The following THBS2 variants were observed in gnomAD, a reference collection of about 807,000 sequenced individuals.
The protein encoded by THBS2 is thrombospondin-2.
THBS2 carries 47 observed loss-of-function variants against 135.2 expected under a neutral mutation model. The ratio of observed to expected loss-of-function variants is 0.35; its 90% confidence interval spans 0.28 to 0.44. The LOEUF is 0.44. Ranked by LOEUF, THBS2 falls within the 20% of genes least tolerant of loss-of-function variation. The probability of loss-of-function intolerance (pLI) is 1.00; values close to 1 mark genes in which losing one functional copy is unlikely to be tolerated. For missense variants in THBS2, 1,288 were observed against 1,603.1 expected, an observed-to-expected ratio of 0.80 and a Z score of 3.36; for synonymous variants, 639 against 633.8, an observed-to-expected ratio of 1.01 and a Z score of -0.12.
At chr6:169,246,387 G>T in intron 3 of THBS2, 106 bp from the exon 4 acceptor site, 2 of 920,600 alleles carry the variant, frequency 2.2e-6, no homozygotes, top group South Asian at 1.4e-5. Context: ...TTCAAGTAGT[G>T]AGAGTATTTC....
rs148615866 is a variant in THBS2, at chr6:169,232,398, T to G, written c.1933-200A>C. Among the ~76,000 whole-genome samples the G allele has an allele frequency of 7.1e-3, 1,077 of 152,296 alleles. 14 individuals are homozygous for G. The highest frequency in any genetic ancestry group is 0.023 in the African/African-American group (944 of 41,572). On this transcript the variant is annotated intron_variant, in intron 12 of 21. Coordinates refer to ENST00000617924, the MANE Select transcript of THBS2 (RefSeq NM_003247.5). ...CCGTTTGTGACTCAGCCATCGTTTC[T>G]GAGCCTCGGCTGCAGCTCACCAAGG...
rs1477315329 is a variant in THBS2 at position 169,241,944 on chromosome 6, T to C, written c.709A>G (p.Ile237Val). 2 of 1,610,206 alleles carry C rather than the reference T, an allele frequency of 1.2e-6. No individual in the cohort carries two copies. Among genetic ancestry groups the C allele is most frequent in the Non-Finnish European group, 8.5e-7 (1 of 1,178,990 alleles). ...CGCAGCGTCTCTGTGTTCTCACTGA[T>C]GGCGTTGATCTCAGCTGAGGGCAAG... The part of the protein sequence containing the change: ...QQGQGAEINA[I>V]SENTETLRLG... Residue 237 changes from isoleucine to valine, a missense_variant, in exon 5 of 22, where the codon ATC becomes GTC. Physicochemically the swap from Ile to Val is conservative, Grantham distance 29. Coordinates refer to ENST00000617924, the MANE Select transcript of THBS2 (RefSeq NM_003247.5). The surrounding 1 kb of genome is among the most constrained non-coding windows in gnomAD (Gnocchi z 5.5).
intron 12 of THBS2, among the ~76,000 whole-genome samples, 157 bp from the exon 13 acceptor site, chr6:169,232,355 C>T (rs1418256658): frequency 1.3e-5 from 2 of 152,212 alleles, no homozygotes; most frequent in Admixed American, 6.5e-5. Flanking sequence ...ACTTGAGGTG[C>T]TGTTCGTTCC....
intron 4 of THBS2, among the ~76,000 whole-genome samples, chr6:169,244,365 G>A (rs1407169711): frequency 4.3e-5 from 6 of 138,422 alleles, no homozygotes; most frequent in African/African-American, 8.4e-5. Flanking sequence ...ACATAGAGGT[G>A]TAAGTCACGT....
intron 21 of THBS2, among the ~76,000 whole-genome samples, chr6:169,219,260 G>T (rs111064718): frequency 2.3e-5 from 2 of 87,934 alleles, no homozygotes; most frequent in South Asian, 6.9e-4. Flanking sequence ...ATAGGTGGAT[G>T]GGTGGGTGGA....
chr6:169,243,601 T>C (rs1338646544), intron 4 of THBS2, among the ~76,000 whole-genome samples: 1 of 152,210 alleles, frequency 6.6e-6, no homozygotes, highest in Non-Finnish European at 1.5e-5. Context: ...ATGTTGCCCA[T>C]AACCATGTAC....
rs1427545702 is a variant in THBS2 at position 169,248,452 on chromosome 6, C to T, written c.574G>A (p.Val192Met). 2 of 1,611,712 alleles carry T rather than the reference C, an allele frequency of 1.2e-6. No individual in the cohort carries two copies. Among genetic ancestry groups the T allele is most frequent in the Non-Finnish European group, 1.7e-6 (2 of 1,178,148 alleles). Residue 192 changes from valine to methionine, a missense_variant, in exon 3 of 22, where the codon GTG becomes ATG. By Grantham distance (21) the Val-to-Met change is conservative. This residue lies in a region of THBS2 where 414 missense variants were observed against 447.0 expected (regional missense o/e 0.93). Coordinates refer to ENST00000617924, the MANE Select transcript of THBS2 (RefSeq NM_003247.5). The part of the protein sequence containing the change: ...HLQAEKSRMY[V>M]AKGSARESHF... ...CTCTCTCTGGCAGAGCCTTTGGCCA[C>T]GTACATCCGGCTCTTTTCCGCCTGC...
Position 169,232,825 on chromosome 6 carries a change from A to C in THBS2, c.1780-9T>G. On this transcript the variant is annotated splice_polypyrimidine_tract_variant and intron_variant, in intron 11 of 21. Transcript: ENST00000617924. ...TCGGGGACCAGGGCACACTGCGGGG[A>C]CAAGCAGACATGAGAGGCCGCTCCC... 1 of 1,611,922 alleles carries C rather than the reference A, an allele frequency of 6.2e-7. No individual in the cohort carries two copies. Among genetic ancestry groups the C allele is most frequent in the Non-Finnish European group, 8.5e-7 (1 of 1,178,842 alleles).
intron 4 of THBS2, 69 bp downstream of exon 4, chr6:169,246,128 C>T: frequency 1.5e-6 from 2 of 1,347,264 alleles, no homozygotes; most frequent in Middle Eastern, 1.8e-4. Flanking sequence ...CACACACACA[C>T]ATACACCATG....
chr6:169,250,708 G>C, intron 2 of THBS2, 25 bp downstream of exon 2: 2 of 1,609,042 alleles, frequency 1.2e-6, no homozygotes, highest in South Asian at 2.2e-5. Flanking sequence ...GCCAGAGAGA[G>C]ACCACAGGCT....
In THBS2 at chr6:169,237,277, T is replaced by C; in HGVS notation, c.1370A>G (p.Asn457Ser). ...SSCSVTCGVG[N>S]ITRIRLCNSP... ...GTTGCAGAGACGGATGCGTGTGATA[T>C]TGCCAACTCCACAGGTCACAGAGCA... is the stretch of plus-strand genomic sequence containing the variant. Residue 457 changes from asparagine to serine, a missense_variant, in exon 9 of 22, where the codon AAT (asparagine) becomes AGT (serine). Coordinates refer to ENST00000617924, the MANE Select transcript of THBS2 (RefSeq NM_003247.5). The C allele has an allele frequency of 6.2e-7, 1 of 1,613,522 alleles. No homozygotes were observed. The highest frequency in any genetic ancestry group is 8.5e-7 in the Non-Finnish European group (1 of 1,180,014).
chr6:169,223,754 C>G (rs1014115699), intron 17 of THBS2, among the ~76,000 whole-genome samples: 3 of 152,198 alleles, frequency 2.0e-5, no homozygotes, highest in African/African-American at 7.2e-5. Flanking sequence ...TCACCGTGTT[C>G]CAAACTCAAT....
At chr6:169,237,469 C>G in intron 8 of THBS2, 123 bp from the exon 9 acceptor site, 1 of 1,491,530 alleles carries the variant, frequency 6.7e-7, no homozygotes, top group Non-Finnish European at 9.2e-7. Flanking sequence ...GAGAACCCCT[C>G]CCATCAGCTG....
Position 169,225,318 on chromosome 6 carries a change from T to C in THBS2, c.2600A>G (p.Asp867Gly). The change falls in exon 17 of 22, where the codon GAC becomes GGC. Residue 867 changes from aspartate to glycine, a missense_variant. Coordinates refer to ENST00000617924, the MANE Select transcript of THBS2 (RefSeq NM_003247.5). ...GTTGTCCTGGTTGTTCTGGTGGCCG[T>C]CGTCATCTATGTCCTCGTTGTTGTC... ...QCDNNEDIDD[D>G]GHQNNQDNCP... 1 of 1,578,054 alleles carries C rather than the reference T, an allele frequency of 6.3e-7. No individual in the cohort carries two copies. Among genetic ancestry groups the C allele is most frequent in the Non-Finnish European group, 8.6e-7 (1 of 1,161,414 alleles).
chr6:169,237,579 G>A lies in THBS2; in HGVS notation c.1300+46C>T, dbSNP rs115566461. On this transcript the variant is annotated intron_variant, in intron 8 of 21. Coordinates refer to ENST00000617924, the MANE Select transcript of THBS2 (RefSeq NM_003247.5). The stretch of plus-strand genomic sequence containing the variant: ...AGGTCCCGATGACTGAGAGAAACGC[G>A]GCCCCACCCCCACAGGCACGCGGGT... The A allele has an allele frequency of 1.2e-3, 1,900 of 1,607,020 alleles. 8 individuals are homozygous for A. The highest frequency in any genetic ancestry group is 0.011 in the African/African-American group (823 of 74,998).
intron 9 of THBS2, 57 bp from the exon 10 acceptor site, chr6:169,234,964 A>C: frequency 6.6e-7 from 1 of 1,525,548 alleles, no homozygotes; most frequent in Non-Finnish European, 8.9e-7. Flanking sequence ...GGAGAACGTG[A>C]GTTGGCTGAG....
chr6:169,222,144 C>G, intron 19 of THBS2, 53 bp downstream of exon 19: 2 of 1,536,286 alleles, frequency 1.3e-6, no homozygotes, highest in African/African-American at 1.4e-5. Context: ...CTGAAACACT[C>G]TGCAGCCACA....
intron 1 of THBS2, among the ~76,000 whole-genome samples, 156 bp downstream of exon 1, chr6:169,253,568 A>G (rs1211439512): frequency 6.6e-6 from 1 of 152,210 alleles, no homozygotes; most frequent in Middle Eastern, 3.2e-3. Flanking sequence ...ACGTGAAGAA[A>G]CACTTGCCAT....
At chr6:169,236,287 C>T (rs796493971) in intron 9 of THBS2, among the ~76,000 whole-genome samples, 2,624 of 107,404 alleles carry the variant, frequency 0.024, no homozygotes, top group East Asian at 0.085. Flanking sequence ...CCCATCCACA[C>T]TCATTCCCAT....
Sources: gnomAD v4.1 joint callset for allele counts (sites outside exome capture counted in the v4.1 genomes callset) on GRCh38, gnomAD v4.1.1 for gene constraint, gnomAD v4.1.1 regional missense constraint, Gnocchi (gnomAD v3.1) non-coding constraint, MANE v1.5 for transcripts, NCBI Gene and HGNC (gene_info 2026-07-23, HGNC 2026-07-21) for gene names.